The following MYLIP variants were observed in gnomAD, a reference collection of about 807,000 sequenced individuals.
MYLIP encodes the protein myosin regulatory light chain interacting protein.
MYLIP carries 26 observed loss-of-function variants against 45.8 expected under a neutral mutation model. That is an observed-to-expected ratio of 0.57 (90% confidence interval 0.42 to 0.79). The LOEUF (loss-of-function observed/expected upper bound fraction) is 0.79. MYLIP is among the 30% of genes least tolerant of loss of function. MYLIP has a pLI of 0.00. For missense variants in MYLIP, 494 were observed against 555.6 expected (o/e 0.89, Z 1.11); for synonymous variants, 213 against 218.1 (o/e 0.98, Z 0.21).
At chr6:16,130,447 A>C in intron 1 of MYLIP, 110 bp from the exon 2 acceptor site, 1 of 1,084,476 alleles carries the variant, frequency 9.2e-7, no homozygotes, top group Non-Finnish European at 1.3e-6. Flanking sequence ...AGGAATTGTA[A>C]CACCATTGAA....
chr6:16,143,273 CAATGTAATAGAA>C, intron 4 of MYLIP, 56 bp downstream of exon 4: 1 of 1,524,424 alleles, frequency 6.6e-7, no homozygotes, highest in South Asian at 1.1e-5. Flanking sequence ...CTGTAGCTGT[CAATGTAATAGAA>C]AATAGGAAGG....
At chr6:16,151,578 G>T (rs764698331), downstream of MYLIP, among the ~76,000 whole-genome samples, 18 of 152,290 alleles carry the variant, frequency 1.2e-4, no homozygotes, top group Middle Eastern at 3.4e-3. Flanking sequence ...AATCATTCTT[G>T]TCTTTTTCAC....
chr6:16,162,289 A>T, the MYLIP span, among the ~76,000 whole-genome samples: 1 of 152,248 alleles, frequency 6.6e-6, no homozygotes, highest in Non-Finnish European at 1.5e-5. Flanking sequence ...AGAGCAGACC[A>T]GACTGAAAGA....
chr6:16,156,573 T>C, the MYLIP span, among the ~76,000 whole-genome samples: 49,429 of 152,008 alleles, frequency 0.33, 9,904 homozygotes, highest in East Asian at 0.72. Context: ...GGAAATCAAT[T>C]ACAAGTTATC....
chr6:16,137,074 C>T (rs1012721846), intron 2 of MYLIP, among the ~76,000 whole-genome samples: 1 of 152,064 alleles, frequency 6.6e-6, no homozygotes, highest in South Asian at 2.1e-4. Context: ...TTTGCTATGT[C>T]CTGAGAAACC....
At chr6:16,133,961 G>A (rs1759504282) in intron 2 of MYLIP, among the ~76,000 whole-genome samples, 2 of 152,132 alleles carry the variant, frequency 1.3e-5, no homozygotes, top group South Asian at 2.1e-4. Flanking sequence ...TGGCAGTGAT[G>A]AGTTTGACTC....
At chr6:16,134,511 T>C (rs995876051) in intron 2 of MYLIP, among the ~76,000 whole-genome samples, 16 of 152,364 alleles carry the variant, frequency 1.1e-4, no homozygotes, top group African/African-American at 3.6e-4. Flanking sequence ...TTATTGTGGC[T>C]ATTAGTTCTT....
chr6:16,150,557 A>C (rs555309097), downstream of MYLIP, among the ~76,000 whole-genome samples: 55 of 152,256 alleles, frequency 3.6e-4, no homozygotes, highest in African/African-American at 1.3e-3. Flanking sequence ...TATGCACTAC[A>C]GTGGTGCATG....
At chr6:16,156,629 G>A in the MYLIP span, among the ~76,000 whole-genome samples, 2 of 152,344 alleles carry the variant, frequency 1.3e-5, no homozygotes, top group South Asian at 2.1e-4. Flanking sequence ...AGCTATAAAA[G>A]GAGGATAAGT....
Position 16,144,979 on chromosome 6 carries a change from A to G in MYLIP, c.910A>G (p.Asn304Asp), listed in dbSNP as rs922259676. 18 of 1,614,100 alleles carry G rather than the reference A, an allele frequency of 1.1e-5. No individual in the cohort carries two copies. Among genetic ancestry groups the G allele is most frequent in the Non-Finnish European group, 1.4e-5 (17 of 1,180,048 alleles). ...CTTGGCATCTCTGTTTCTGAATGAAAACATTAACCTTGGCAAGAAATATGT... is the reference window on the plus strand; with the variant it reads ...CTTGGCATCTCTGTTTCTGAATGAAGACATTAACCTTGGCAAGAAATATGT... ...GHLASLFLNE[N>D]INLGKKYVFD... The change falls in exon 6 of 7, where the codon AAC becomes GAC. Residue 304 changes from asparagine to aspartate, a missense_variant. Transcript: ENST00000356840.
chr6:16,133,340 A>C (rs1219882314), intron 2 of MYLIP, among the ~76,000 whole-genome samples: 1 of 152,242 alleles, frequency 6.6e-6, no homozygotes, highest in Non-Finnish European at 1.5e-5. Flanking sequence ...CTCTGAAAAC[A>C]GAAAAAGCAC....
downstream of MYLIP, among the ~76,000 whole-genome samples, chr6:16,149,273 A>G (rs1425267578): frequency 6.6e-6 from 1 of 152,222 alleles, no homozygotes; most frequent in Non-Finnish European, 1.5e-5. Flanking sequence ...ATAAGATTAC[A>G]TATTATTCAC....
chr6:16,143,967 G>T, intron 5 of MYLIP, 104 bp downstream of exon 5: 1 of 1,283,170 alleles, frequency 7.8e-7, no homozygotes, highest in Non-Finnish European at 1.1e-6. Flanking sequence ...AATGAGTCTA[G>T]TACAGAATTT....
chr6:16,140,168 G>A (rs933396131), intron 2 of MYLIP, among the ~76,000 whole-genome samples: 2 of 152,168 alleles, frequency 1.3e-5, no homozygotes, highest in Admixed American at 6.5e-5. Context: ...TTAATGGGAC[G>A]AATAATGTGG....
At chr6:16,153,432 T>C in the MYLIP span, among the ~76,000 whole-genome samples, 6 of 152,202 alleles carry the variant, frequency 3.9e-5, no homozygotes, top group Non-Finnish European at 8.8e-5. Flanking sequence ...ATTTTCCCCA[T>C]GAATTTAACA....
intron 2 of MYLIP, among the ~76,000 whole-genome samples, chr6:16,137,739 A>T (rs985061916): frequency 6.6e-6 from 1 of 152,196 alleles, no homozygotes; most frequent in South Asian, 2.1e-4. Context: ...TTAAAAGATA[A>T]ATGATCTAAC....
downstream of MYLIP, among the ~76,000 whole-genome samples, chr6:16,151,944 A>G (rs148790932): frequency 2.0e-4 from 30 of 152,378 alleles, no homozygotes; most frequent in South Asian, 4.8e-3. Flanking sequence ...ACAAAAAGAT[A>G]AGCAGTTCTA....
chr6:16,141,124 G>A (rs1436914768), intron 2 of MYLIP, among the ~76,000 whole-genome samples: 3 of 152,148 alleles, frequency 2.0e-5, no homozygotes, highest in South Asian at 2.1e-4. Flanking sequence ...TTGAGGTACC[G>A]AAGAACATCC....
chr6:16,158,090 C>T, the MYLIP span, among the ~76,000 whole-genome samples: 5 of 152,190 alleles, frequency 3.3e-5, no homozygotes, highest in Non-Finnish European at 7.3e-5. Flanking sequence ...GCTGCTGTGT[C>T]ACCTTTCCAA....
Sources: allele counts gnomAD v4.1 joint callset (sites outside exome capture counted in the v4.1 genomes callset), GRCh38; gene constraint gnomAD v4.1.1; transcripts MANE v1.5; gene names NCBI Gene and HGNC (gene_info 2026-07-23, HGNC 2026-07-21).